The following TUT4 variants were observed in gnomAD, a reference collection of about 807,000 sequenced individuals.
TUT4 encodes terminal uridylyl transferase 4.
In TUT4, 36 loss-of-function variants were observed where a neutral mutation model predicts 192.2. The observed-to-expected ratio is 0.19, with a 90% CI of 0.14 to 0.25. The LOEUF (loss-of-function observed/expected upper bound fraction) is 0.25, where lower values mean the gene tolerates loss of function less well. Ranked by LOEUF, TUT4 falls within the 10% of genes least tolerant of loss-of-function variation. TUT4 has a pLI of 1.00. For synonymous variants in TUT4, 618 were observed against 666.0 expected (o/e 0.93, Z 1.11); for missense variants, 1,493 against 1,957.2 (o/e 0.76, Z 4.47).
intron 20 of TUT4, among the ~76,000 whole-genome samples, chr1:52,455,599 G>A (rs1470211036): frequency 2.0e-5 from 2 of 98,858 alleles, no homozygotes; most frequent in Admixed American, 2.9e-4. Flanking sequence ...GGAGTGAGAC[G>A]CTACCTTTAA....
intron 9 of TUT4, among the ~76,000 whole-genome samples, chr1:52,487,147 G>A (rs578031266): frequency 1.4e-4 from 22 of 152,138 alleles, no homozygotes; most frequent in South Asian, 6.2e-4. Context: ...GAAGTACCTT[G>A]CTTGAAGACT....
At chr1:52,504,804 A>T (rs778533094) in intron 4 of TUT4, among the ~76,000 whole-genome samples, 2 of 152,114 alleles carry the variant, frequency 1.3e-5, no homozygotes, top group Non-Finnish European at 1.5e-5. Flanking sequence ...TACTCTAAAA[A>T]CCTCATGTAA....
At chr1:52,537,602 T>G (rs1399182448) in intron 1 of TUT4, among the ~76,000 whole-genome samples, 2 of 152,114 alleles carry the variant, frequency 1.3e-5, no homozygotes, top group Non-Finnish European at 2.9e-5. Flanking sequence ...AAACAGAGGA[T>G]TTGTGTAACA....
intron 28 of TUT4, among the ~76,000 whole-genome samples, chr1:52,427,591 T>A (rs903418826): frequency 3.9e-5 from 6 of 152,232 alleles, no homozygotes; most frequent in African/African-American, 1.4e-4. Flanking sequence ...ACATGTTGAA[T>A]GATATATGAG....
intron 11 of TUT4, among the ~76,000 whole-genome samples, chr1:52,479,811 G>A (rs896974754): frequency 1.3e-5 from 2 of 151,858 alleles, no homozygotes; most frequent in African/African-American, 2.4e-5. Flanking sequence ...TGGCTAACAC[G>A]GTGAAACCCC....
At chr1:52,548,509 G>A (rs1468262253) in intron 1 of TUT4, among the ~76,000 whole-genome samples, 1 of 152,106 alleles carries the variant, frequency 6.6e-6, no homozygotes, top group Non-Finnish European at 1.5e-5. Context: ...CAGACACTTT[G>A]AGTTCAAATC....
Position 52,462,698 on chromosome 1 carries a change from ATGTT to A in TUT4, c.3070-933_3070-930del, listed in dbSNP as rs1271959216. 9 of 980,262 alleles carry A rather than the reference ATGTT, an allele frequency of 9.2e-6. No homozygotes were observed. In the East Asian group the frequency reaches 8.0e-4, roughly 87 times the overall value. 60.7% of individuals were successfully genotyped at this position (980,262 alleles called of 1,614,324 possible). A position where few individuals can be genotyped will look rare whatever the true frequency, so the allele number is the denominator to read the frequency against. On this transcript the variant is annotated intron_variant, in intron 16 of 29. Transcript: ENST00000257177. ...AATCTGTGAGTTATTTATTATAATTATGTTGATATGGAAAAGAAAGATACTCCTA... is the reference window on the plus strand; with the variant it reads ...AATCTGTGAGTTATTTATTATAATTAGATATGGAAAAGAAAGATACTCCTA...
At chr1:52,464,399 C>T (rs769702554) in intron 16 of TUT4, among the ~76,000 whole-genome samples, 3 of 151,994 alleles carry the variant, frequency 2.0e-5, no homozygotes, top group African/African-American at 4.8e-5. Context: ...GGACTACAGG[C>T]GCGTGCCACC....
intron 8 of TUT4, among the ~76,000 whole-genome samples, chr1:52,490,286 G>T (rs1182970165): frequency 6.6e-6 from 1 of 151,676 alleles, no homozygotes; most frequent in Admixed American, 6.6e-5. Flanking sequence ...GAGTAGCTGG[G>T]ACCACAGGCA....
intron 24 of TUT4, among the ~76,000 whole-genome samples, chr1:52,444,951 GTATATACA>G (rs1485809367): frequency 1.0e-3 from 152 of 148,840 alleles, no homozygotes; most frequent in South Asian, 1.7e-3. Flanking sequence ...ACATGTATGT[GTATATACA>G]TGTATATACA....
chr1:52,445,559 G>T (rs535272211), intron 24 of TUT4, among the ~76,000 whole-genome samples: 1 of 152,092 alleles, frequency 6.6e-6, no homozygotes, highest in Admixed American at 6.5e-5. Context: ...TCCTGTCTTC[G>T]TGGGGCTTAT....
chr1:52,521,489 A>AC (rs1680262235), intron 2 of TUT4, among the ~76,000 whole-genome samples: 1 of 151,588 alleles, frequency 6.6e-6, no homozygotes, highest in Non-Finnish European at 1.5e-5. Flanking sequence ...ACATGGTGAA[A>AC]CCCCATCTTT....
intron 14 of TUT4, among the ~76,000 whole-genome samples, chr1:52,469,891 CAA>C (rs773732659): frequency 1.6e-4 from 11 of 69,146 alleles, no homozygotes; most frequent in Admixed American, 1.6e-4. Flanking sequence ...ACTCAGTCTC[CAA>C]AAAAAAAAAA....
chr1:52,493,973 T>C (rs906454288), intron 6 of TUT4, among the ~76,000 whole-genome samples: 7 of 151,680 alleles, frequency 4.6e-5, no homozygotes, highest in Admixed American at 1.3e-4. Context: ...TACTTTTTTT[T>C]TTTTTTTTTT....
intron 1 of TUT4, among the ~76,000 whole-genome samples, chr1:52,542,269 T>C (rs966655096): frequency 3.3e-5 from 5 of 152,192 alleles, no homozygotes; most frequent in African/African-American, 1.2e-4. Flanking sequence ...AAATGGATGG[T>C]GGTGATAGTT....
chr1:52,548,067 G>A (rs1688528980), intron 1 of TUT4, among the ~76,000 whole-genome samples: 1 of 152,040 alleles, frequency 6.6e-6, no homozygotes, highest in Non-Finnish European at 1.5e-5. Flanking sequence ...AGCCATCAAA[G>A]CAATAAAGTC....
chr1:52,516,893 G>A (rs2149374236), intron 2 of TUT4, among the ~76,000 whole-genome samples: 1 of 152,306 alleles, frequency 6.6e-6, no homozygotes, highest in Non-Finnish European at 1.5e-5. Flanking sequence ...ATGGGAGCCA[G>A]AGAAGGCTTC....
intron 1 of TUT4, among the ~76,000 whole-genome samples, chr1:52,529,065 G>A (rs1183174440): frequency 3.3e-5 from 5 of 151,928 alleles, no homozygotes; most frequent in African/African-American, 4.8e-5. Flanking sequence ...TGCTTTTCCA[G>A]AGTAATACTG....
At chr1:52,467,382 C>T (rs1664514212) in intron 15 of TUT4, among the ~76,000 whole-genome samples, 1 of 152,192 alleles carries the variant, frequency 6.6e-6, no homozygotes, top group Admixed American at 6.5e-5. Flanking sequence ...GGACCACCTA[C>T]TGTAACTGTT....
Sources: gnomAD v4.1 joint callset for allele counts (sites outside exome capture counted in the v4.1 genomes callset) on GRCh38, gnomAD v4.1.1 for gene constraint, MANE v1.5 for transcripts, NCBI Gene and HGNC (gene_info 2026-07-23, HGNC 2026-07-21) for gene names.